Variants in SPIDR observed in about 807,000 individuals in gnomAD.
The protein encoded by SPIDR is DNA repair-scaffolding protein.
In SPIDR, 93 loss-of-function variants were observed where a neutral mutation model predicts 104.6. The ratio of observed to expected loss-of-function variants is 0.89; its 90% CI spans 0.75 to 1.06. The LOEUF is 1.06. Among genes scored for constraint, SPIDR ranks in the 50% least tolerant of loss-of-function variants. The probability of loss-of-function intolerance (pLI) is 0.00; values close to 1 mark genes in which losing one functional copy is unlikely to be tolerated. For missense variants in SPIDR, 1,154 were observed against 1,111.2 expected (o/e 1.04, Z -0.55); for synonymous variants, 431 against 416.9 (o/e 1.03, Z -0.41).
intron 5 of SPIDR, among the ~76,000 whole-genome samples, chr8:47,380,084 G>A (rs1043804849): frequency 3.3e-5 from 5 of 152,146 alleles, no homozygotes; most frequent in Admixed American, 6.5e-5. Context: ...TTGGGTCCAG[G>A]GGCATAAGTG....
intron 3 of SPIDR, among the ~76,000 whole-genome samples, chr8:47,287,935 C>CA (rs1309384005): frequency 1.3e-5 from 2 of 152,000 alleles, no homozygotes; most frequent in Non-Finnish European, 2.9e-5. Flanking sequence ...GATAAAGGTC[C>CA]ATATTAAAAT....
chr8:47,733,901 T>G (rs138577519), intron 19 of SPIDR, among the ~76,000 whole-genome samples: 1 of 152,196 alleles, frequency 6.6e-6, no homozygotes, highest in Non-Finnish European at 1.5e-5. Flanking sequence ...GACTTTATTC[T>G]TTTTCACCAA....
chr8:47,650,054 A>C (rs1258299555), intron 10 of SPIDR, among the ~76,000 whole-genome samples: 2 of 152,164 alleles, frequency 1.3e-5, no homozygotes, highest in Non-Finnish European at 2.9e-5. Flanking sequence ...GGAACAAGAC[A>C]AGGATGCCCA....
At chr8:47,557,006 C>T (rs1564326334) in intron 8 of SPIDR, among the ~76,000 whole-genome samples, 1 of 152,050 alleles carries the variant, frequency 6.6e-6, no homozygotes, top group Non-Finnish European at 1.5e-5. Context: ...GGTTGTTTCC[C>T]AAAAGTTCTT....
intron 2 of SPIDR, among the ~76,000 whole-genome samples, chr8:47,281,489 A>G (rs906294784): frequency 3.3e-5 from 5 of 152,332 alleles, no homozygotes; most frequent in Non-Finnish European, 7.3e-5. Context: ...AGGATATTCT[A>G]AATTACTTGT....
At chr8:47,547,345 G>A (rs1414240861) in intron 8 of SPIDR, 3 of 492,172 alleles carry the variant, frequency 6.1e-6, no homozygotes, top group Non-Finnish European at 1.2e-5. Flanking sequence ...GAATCCAGCA[G>A]GGTGGGTTAT....
At chr8:47,467,271 A>G (rs2075022277) in intron 8 of SPIDR, among the ~76,000 whole-genome samples, 2 of 152,204 alleles carry the variant, frequency 1.3e-5, no homozygotes, top group South Asian at 4.1e-4. Context: ...TCACAGCTGA[A>G]TTCTACCAGA....
chr8:47,599,747 T>C (rs2062036620), intron 10 of SPIDR, among the ~76,000 whole-genome samples: 1 of 152,224 alleles, frequency 6.6e-6, no homozygotes, highest in Admixed American at 6.5e-5. Context: ...ATTTAGGCCC[T>C]TCCTGGTGTT....
chr8:47,506,573 G>C (rs970670909), intron 8 of SPIDR, among the ~76,000 whole-genome samples: 13 of 152,122 alleles, frequency 8.5e-5, no homozygotes, highest in Admixed American at 8.5e-4. Context: ...AAGGAAATTA[G>C]TTAACATGCA....
At chr8:47,547,263 A>G (rs1031790920) in intron 8 of SPIDR, 19 of 604,920 alleles carry the variant, frequency 3.1e-5, no homozygotes, top group Non-Finnish European at 5.5e-5. Flanking sequence ...CACGATGTAC[A>G]GCAAAGCAAC....
chr8:47,295,472 C>G (rs2154241445), intron 5 of SPIDR, among the ~76,000 whole-genome samples: 1 of 152,310 alleles, frequency 6.6e-6, no homozygotes, highest in African/African-American at 2.4e-5. Flanking sequence ...ACTTTTCTCT[C>G]CCAGCCTCTG....
intron 10 of SPIDR, 106 bp downstream of exon 10, chr8:47,599,302 A>G (rs1272464033): frequency 6.3e-6 from 9 of 1,429,482 alleles, no homozygotes; most frequent in South Asian, 1.4e-5. Context: ...TGCATTCACC[A>G]TATACGTGAG....
chr8:47,550,507 T>C (rs1380565670), intron 8 of SPIDR, among the ~76,000 whole-genome samples: 1 of 152,164 alleles, frequency 6.6e-6, no homozygotes, highest in Non-Finnish European at 1.5e-5. Context: ...GATTCCTAGG[T>C]TTTTTATTCT....
At chr8:47,375,233 CTTTTTTTTTTT>C (rs869038432) in intron 5 of SPIDR, among the ~76,000 whole-genome samples, 11 of 53,344 alleles carry the variant, frequency 2.1e-4, no homozygotes, top group East Asian at 7.7e-4. Context: ...AGTTAATAGG[CTTTTTTTTTTT>C]TTTTTTTTTT....
intron 19 of SPIDR, among the ~76,000 whole-genome samples, chr8:47,730,892 G>T (rs1374088209): frequency 1.3e-5 from 2 of 152,192 alleles, no homozygotes; most frequent in Admixed American, 1.3e-4. Context: ...TTGGAACATG[G>T]ATAAGTCTAT....
At chr8:47,356,935 C>T (rs572361621) in intron 5 of SPIDR, among the ~76,000 whole-genome samples, 3 of 152,220 alleles carry the variant, frequency 2.0e-5, no homozygotes, top group Non-Finnish European at 4.4e-5. Context: ...TCCTCAATGA[C>T]CCTGTTGAAA....
chr8:47,677,769 A>G (rs1054642485), intron 11 of SPIDR, among the ~76,000 whole-genome samples: 2 of 152,254 alleles, frequency 1.3e-5, no homozygotes, highest in Non-Finnish European at 2.9e-5. Context: ...AGAAGGTTTC[A>G]TGAAAGAAGT....
At chr8:47,567,969 G>A (rs952696417) in intron 8 of SPIDR, among the ~76,000 whole-genome samples, 1 of 151,524 alleles carries the variant, frequency 6.6e-6, no homozygotes, top group African/African-American at 2.4e-5. Context: ...TAATTTTTAT[G>A]TAGAGATGGC....
chr8:47,468,826 A>T (rs2154356671), intron 8 of SPIDR, among the ~76,000 whole-genome samples: 1 of 152,330 alleles, frequency 6.6e-6, no homozygotes, highest in Admixed American at 6.5e-5. Context: ...ACAAAAGGAA[A>T]AATTGACATA....
Sources: gnomAD v4.1 joint callset for allele counts (sites outside exome capture counted in the v4.1 genomes callset) on GRCh38, gnomAD v4.1.1 for gene constraint, MANE v1.5 for transcripts, NCBI Gene and HGNC (gene_info 2026-07-23, HGNC 2026-07-21) for gene names.